Variants in ZNF362 observed in about 807,000 individuals in gnomAD.
The protein encoded by ZNF362 is rotund homolog.
ZNF362 carries 11 observed loss-of-function variants against 42.9 expected under a neutral mutation model. The ratio of observed to expected loss-of-function variants is 0.26; its 90% confidence interval spans 0.16 to 0.42. The LOEUF is 0.42. ZNF362 is among the 20% of genes least tolerant of loss of function. The pLI, the probability that ZNF362 is intolerant of heterozygous loss-of-function variation, is 1.00. For missense variants in ZNF362, 362 were observed against 576.2 expected, an observed-to-expected ratio of 0.63 and a Z score of 3.81; for synonymous variants, 255 against 257.3, an observed-to-expected ratio of 0.99 and a Z score of 0.09.
At position 33,280,140 on chromosome 1, in the gene ZNF362, C is replaced by T; in HGVS notation, c.366C>T (p.Thr122=). ...TSTVTGLGLS[T]RTPSVSTSES... ...TCTTCGCAGGTCTGGGGCTGTCCACCCGGACCCCGTCTGTGAGCACTTCTG... is the reference window on the plus strand; with the variant it reads ...TCTTCGCAGGTCTGGGGCTGTCCACTCGGACCCCGTCTGTGAGCACTTCTG... Residue 122 remains threonine (T), a synonymous_variant, in exon 5 of 9, where the codon ACC becomes ACT. Coordinates refer to ENST00000539719, the MANE Select transcript of ZNF362 (RefSeq NM_152493.3). This position sits in a 1 kb window ranked among gnomAD's most constrained non-coding sequence, Gnocchi z 5.6. 6.3e-7 allele frequency: 1 copy of T among 1,582,170 alleles called. No individual in the cohort carries two copies. The highest frequency in any genetic ancestry group is 8.6e-7 in the Non-Finnish European group (1 of 1,159,678).
chr1:33,250,894 A>AGAAGAAGAAGAAGAAGAG, the ZNF362 span, among the ~76,000 whole-genome samples: 3 of 150,666 alleles, frequency 2.0e-5, no homozygotes, highest in Non-Finnish European at 2.9e-5. Flanking sequence ...AAGAAGAAGA[A>AGAAGAAGAAGAAGAAGAG]GGAGAAGAAG....
the ZNF362 span, among the ~76,000 whole-genome samples, chr1:33,174,291 C>T: frequency 6.6e-6 from 1 of 152,118 alleles, no homozygotes; most frequent in Non-Finnish European, 1.5e-5. Context: ...AAGTGATCCT[C>T]CCACCTCAGC....
chr1:33,177,048 C>CAG, the ZNF362 span, among the ~76,000 whole-genome samples: 2 of 58,472 alleles, frequency 3.4e-5, no homozygotes, highest in South Asian at 9.0e-4. This position sits in a 1 kb window ranked among gnomAD's most constrained non-coding sequence, Gnocchi z 4.1. Flanking sequence ...TGCACACACA[C>CAG]ACGCACACAC....
chr1:33,196,595 A>G, the ZNF362 span, among the ~76,000 whole-genome samples: 1 of 152,144 alleles, frequency 6.6e-6, no homozygotes, highest in African/African-American at 2.4e-5. Flanking sequence ...AGGACCTGCC[A>G]GAGGTTGTTT....
the ZNF362 span, among the ~76,000 whole-genome samples, chr1:33,238,363 T>TAAAATAAAATAA: frequency 2.8e-5 from 2 of 71,698 alleles, no homozygotes; most frequent in African/African-American, 1.1e-4. Flanking sequence ...TAAAATAAAA[T>TAAAATAAAATAA]AATAAAATAA....
chr1:33,171,573 T>G, the ZNF362 span, among the ~76,000 whole-genome samples: 1 of 152,166 alleles, frequency 6.6e-6, no homozygotes, highest in Non-Finnish European at 1.5e-5. Flanking sequence ...TCAGGCTTTG[T>G]GCTGGCCGCT....
At chr1:33,238,358 T>TAAAATAAAATAAAAA in the ZNF362 span, among the ~76,000 whole-genome samples, 1 of 91,668 alleles carries the variant, frequency 1.1e-5, no homozygotes, top group Non-Finnish European at 2.4e-5. Context: ...TAAAATAAAA[T>TAAAATAAAATAAAAA]AAAATAATAA....
At chr1:33,275,844 C>G (rs1645940864) in intron 2 of ZNF362, among the ~76,000 whole-genome samples, 1 of 151,766 alleles carries the variant, frequency 6.6e-6, no homozygotes, top group Admixed American at 6.6e-5. Flanking sequence ...TGAGAGTACT[C>G]TGGTCTGGAT....
chr1:33,178,215 T>C, the ZNF362 span, among the ~76,000 whole-genome samples: 485 of 152,250 alleles, frequency 3.2e-3, 19 homozygotes, highest in East Asian at 0.083. Context: ...TCTGCATGGC[T>C]CTGAGTCTGT....
At chr1:33,286,907 C>T (rs1022870346) in intron 6 of ZNF362, among the ~76,000 whole-genome samples, 1 of 152,108 alleles carries the variant, frequency 6.6e-6, no homozygotes, top group African/African-American at 2.4e-5. Flanking sequence ...GAGCCAGCCC[C>T]GGTCAAGCAA....
At chr1:33,215,199 G>A in the ZNF362 span, among the ~76,000 whole-genome samples, 3 of 152,062 alleles carry the variant, frequency 2.0e-5, no homozygotes, top group Admixed American at 6.5e-5. Context: ...GCAACAACAT[G>A]GATGGAACTG....
chr1:33,192,748 G>A, the ZNF362 span, among the ~76,000 whole-genome samples: 1 of 152,094 alleles, frequency 6.6e-6, no homozygotes, highest in Non-Finnish European at 1.5e-5. Context: ...ATGGGGAACT[G>A]ATAGCATCTG....
the ZNF362 span, among the ~76,000 whole-genome samples, chr1:33,173,906 C>T: frequency 6.6e-6 from 1 of 151,838 alleles, no homozygotes; most frequent in African/African-American, 2.4e-5. Flanking sequence ...TCTGTGTTGC[C>T]CAGGATGGTC....
At chr1:33,147,116 C>T in the ZNF362 span, 1 of 1,570,176 alleles carries the variant, frequency 6.4e-7, no homozygotes, top group East Asian at 2.2e-5. The surrounding 1 kb of genome is among the most constrained non-coding windows in gnomAD (Gnocchi z 8.1). Flanking sequence ...CTTCTATCTC[C>T]TGGGCAGGGC....
At chr1:33,212,663 G>T in the ZNF362 span, among the ~76,000 whole-genome samples, 58 of 152,102 alleles carry the variant, frequency 3.8e-4, 1 homozygote, top group South Asian at 0.012. Context: ...GAGGTGGTGG[G>T]GTGCAGTGGG....
the ZNF362 span, among the ~76,000 whole-genome samples, chr1:33,177,085 GCACAAATGCA>G: frequency 3.7e-4 from 55 of 147,854 alleles, no homozygotes; most frequent in African/African-American, 4.5e-4. This position sits in a 1 kb window ranked among gnomAD's most constrained non-coding sequence, Gnocchi z 4.1. Flanking sequence ...ACACATGCAT[GCACAAATGCA>G]CACACATGCA....
the ZNF362 span, among the ~76,000 whole-genome samples, chr1:33,249,329 A>G: frequency 6.6e-6 from 1 of 152,182 alleles, no homozygotes; most frequent in African/African-American, 2.4e-5. Flanking sequence ...CAAGGGGGAA[A>G]ACAGTTCTAG....
At chr1:33,154,800 A>G in the ZNF362 span, among the ~76,000 whole-genome samples, 1 of 127,734 alleles carries the variant, frequency 7.8e-6, no homozygotes, top group Non-Finnish European at 1.7e-5. Flanking sequence ...TCCGTATCCA[A>G]AAAAAAAAAG....
At chr1:33,202,319 G>A in the ZNF362 span, among the ~76,000 whole-genome samples, 11 of 152,122 alleles carry the variant, frequency 7.2e-5, no homozygotes, top group African/African-American at 2.7e-4. Flanking sequence ...GTATCAGGCC[G>A]GGCGTGGTGG....
Sources: allele counts gnomAD v4.1 joint callset (sites outside exome capture counted in the v4.1 genomes callset), GRCh38; gene constraint gnomAD v4.1.1; non-coding constraint Gnocchi (gnomAD v3.1); transcripts MANE v1.5; gene names NCBI Gene and HGNC (gene_info 2026-07-23, HGNC 2026-07-21).